UACA: variants seen among roughly 807,000 people sequenced by gnomAD.
UACA encodes the protein uveal autoantigen with coiled-coil domains and ankyrin repeats, also known as nuclear membrane binding protein.
Under a neutral mutation model 160.5 loss-of-function variants are expected in UACA, and 112 were observed. The observed-to-expected ratio is 0.70, with a 90% CI of 0.60 to 0.82. The LOEUF (loss-of-function observed/expected upper bound fraction) is 0.82. UACA is among the 40% of genes least tolerant of loss of function. The probability of loss-of-function intolerance (pLI) is 0.00; values close to 1 mark genes in which losing one functional copy is unlikely to be tolerated. For missense variants in UACA, 1,574 were observed against 1,614.6 expected (o/e 0.97, Z 0.43); for synonymous variants, 557 against 568.4 (o/e 0.98, Z 0.29).
chr15:70,705,532 A>G (rs1317928700), intron 1 of UACA, among the ~76,000 whole-genome samples: 2 of 152,132 alleles, frequency 1.3e-5, no homozygotes, highest in Non-Finnish European at 2.9e-5. Flanking sequence ...GCGAAACTCC[A>G]TCTCAAAAAA....
intron 2 of UACA, among the ~76,000 whole-genome samples, chr15:70,698,231 A>T (rs1898203193): frequency 6.6e-6 from 1 of 152,182 alleles, no homozygotes. Context: ...AACTCAAGCC[A>T]CCAGTCACTC....
chr15:70,719,432 A>C (rs556290519), intron 1 of UACA, among the ~76,000 whole-genome samples: 2 of 152,342 alleles, frequency 1.3e-5, no homozygotes, highest in African/African-American at 4.8e-5. Context: ...CAGACTAAGA[A>C]TGTGGACCCA....
upstream of UACA, among the ~76,000 whole-genome samples, chr15:70,764,837 A>G (rs2030964484): frequency 6.6e-6 from 1 of 152,104 alleles, no homozygotes; most frequent in Non-Finnish European, 1.5e-5. Context: ...TGGCTCTTTA[A>G]AGTGTCTGTG....
At position 70,667,284 on chromosome 15, in the gene UACA, C is replaced by T. The variant is rs146031233; in HGVS notation, c.3400G>A (p.Glu1134Lys). The change falls in exon 16 of 19, where the codon GAA becomes AAA. Residue 1134 changes from glutamate to lysine, a missense_variant. By Grantham distance (56) the Glu-to-Lys change is moderately conservative. Transcript: ENST00000322954. ...TAACACCTTTGCATACTCTTCAGTT[C>T]TTCCTTTAGATTTTCAATTGTGCCA... is the stretch of plus-strand genomic sequence containing the variant. ...LNGTIENLKE[E>K]LKSMQRCYEK... is the part of the protein sequence containing the mutation. 6.2e-7 allele frequency: 1 copy of T among 1,612,052 alleles called. No individual in the cohort carries two copies. The highest frequency in any genetic ancestry group is 8.5e-7 in the Non-Finnish European group (1 of 1,179,578).
chr15:70,702,308 T>C, intron 1 of UACA: 3 of 1,001,710 alleles, frequency 3.0e-6, no homozygotes, highest in Non-Finnish European at 3.6e-6. Flanking sequence ...CAGTGCATGA[T>C]AAAACTGTCC....
Position 70,684,344 on chromosome 15 carries a change from A to G in UACA, c.705T>C (p.Asp235=). 3.1e-6 allele frequency: 5 copies of G among 1,613,886 alleles called. 1 individual carries two copies. The African/African-American group carries it at 4.0e-5, about 13-fold the overall frequency. The part of the protein sequence containing the change: ...DISLLDALGH[D]SSYYARIGDN... Reference sequence around the variant, plus strand: ...CACCAATTCTTGCATAGTAAGAACTATCATGGCCAAGCGCATCCAGCAAGC... The same window carrying G: ...CACCAATTCTTGCATAGTAAGAACTGTCATGGCCAAGCGCATCCAGCAAGC... The change falls in exon 8 of 19, where the codon GAT becomes GAC. Residue 235 remains aspartate, a synonymous_variant. Transcript: ENST00000322954.
intron 17 of UACA, among the ~76,000 whole-genome samples, chr15:70,664,078 A>T (rs562318771): frequency 6.6e-6 from 1 of 152,274 alleles, no homozygotes; most frequent in African/African-American, 2.4e-5. Flanking sequence ...TTGATGAGAA[A>T]ACCAAGAGTT....
intron 1 of UACA, among the ~76,000 whole-genome samples, chr15:70,719,292 ACATAAACC>A (rs1898921041): frequency 1.3e-5 from 2 of 152,214 alleles, no homozygotes; most frequent in Non-Finnish European, 2.9e-5. Flanking sequence ...GCCAATTATG[ACATAAACC>A]CAGGGCAAAG....
chr15:70,713,278 G>T (rs1898738219), intron 1 of UACA, among the ~76,000 whole-genome samples: 1 of 152,320 alleles, frequency 6.6e-6, no homozygotes, highest in South Asian at 2.1e-4. Context: ...AACCCAGGAG[G>T]CAGAGCCTGC....
chr15:70,707,021 T>C (rs931722914), intron 1 of UACA, among the ~76,000 whole-genome samples: 1 of 152,134 alleles, frequency 6.6e-6, no homozygotes, highest in Non-Finnish European at 1.5e-5. Flanking sequence ...ACCTCACACT[T>C]CCTGATTTCA....
chr15:70,749,615 C>T (rs1184136428), intron 1 of UACA, among the ~76,000 whole-genome samples: 15 of 145,898 alleles, frequency 1.0e-4, no homozygotes, highest in South Asian at 2.2e-4. Flanking sequence ...AGGAGAATGG[C>T]GTGAACCCAG....
chr15:70,726,990 C>T (rs1225288432), intron 1 of UACA, among the ~76,000 whole-genome samples: 1 of 152,146 alleles, frequency 6.6e-6, no homozygotes, highest in Non-Finnish European at 1.5e-5. Context: ...AGCTCTAATC[C>T]ACATGCTCTT....
chr15:70,660,243 G>T (rs1896658114), intron 17 of UACA, 27 bp from the exon 18 acceptor site: 2 of 1,591,718 alleles, frequency 1.3e-6, no homozygotes, highest in Non-Finnish European at 1.7e-6. Context: ...ATGGACAGAT[G>T]TGACTATCAG....
At chr15:70,738,659 G>A (rs548650105) in intron 1 of UACA, among the ~76,000 whole-genome samples, 43 of 151,950 alleles carry the variant, frequency 2.8e-4, no homozygotes, top group African/African-American at 8.9e-4. Flanking sequence ...ATCTCATCTC[G>A]GGATCTTTTA....
At chr15:70,759,674 T>TA (rs1944449060) in intron 1 of UACA, among the ~76,000 whole-genome samples, 1 of 152,080 alleles carries the variant, frequency 6.6e-6, no homozygotes, top group Admixed American at 6.6e-5. Flanking sequence ...AATAAATAAA[T>TA]AATAAATGTA....
intron 16 of UACA, 25 bp downstream of exon 16, chr15:70,666,699 G>A (rs1173431947): frequency 9.0e-6 from 14 of 1,549,894 alleles, no homozygotes; most frequent in Non-Finnish European, 1.2e-5. Context: ...CCAACACATA[G>A]CCGTGCAGAC....
At chr15:70,743,180 A>C (rs1452342469) in intron 1 of UACA, among the ~76,000 whole-genome samples, 1 of 152,176 alleles carries the variant, frequency 6.6e-6, no homozygotes, top group Admixed American at 6.6e-5. Context: ...GCAACAGGAA[A>C]AGTCCTTCTC....
intron 1 of UACA, among the ~76,000 whole-genome samples, chr15:70,757,613 G>A (rs56739943): frequency 0.13 from 20,501 of 152,138 alleles, 1,696 homozygotes; most frequent in African/African-American, 0.23. Flanking sequence ...CACAGGAAAT[G>A]CACAATAAAT....
intron 2 of UACA, among the ~76,000 whole-genome samples, chr15:70,697,579 A>C (rs1045479395): frequency 5.3e-5 from 8 of 152,252 alleles, no homozygotes; most frequent in Admixed American, 5.2e-4. Flanking sequence ...TTAAATTTAG[A>C]AATAAATTTC....
Sources: allele counts gnomAD v4.1 joint callset (sites outside exome capture counted in the v4.1 genomes callset), GRCh38; gene constraint gnomAD v4.1.1; transcripts MANE v1.5; gene names NCBI Gene and HGNC (gene_info 2026-07-23, HGNC 2026-07-21).